Variants in ASXL2 observed in about 807,000 individuals in gnomAD.
ASXL2 encodes putative Polycomb group protein ASXL2.
ASXL2 carries 23 observed loss-of-function variants against 122.0 expected under a neutral mutation model. The observed-to-expected ratio is 0.19, with a 90% CI of 0.14 to 0.27. The LOEUF (loss-of-function observed/expected upper bound fraction) is 0.27. Ranked by LOEUF, ASXL2 falls within the 10% of genes least tolerant of loss-of-function variation. ASXL2 has a pLI of 1.00. For synonymous variants in ASXL2, 650 were observed against 637.0 expected (o/e 1.02, Z -0.31); for missense variants, 1,518 against 1,713.8 (o/e 0.89, Z 2.02).
At chr2:25,874,962 A>T (rs932373698) in intron 1 of ASXL2, among the ~76,000 whole-genome samples, 7 of 152,196 alleles carry the variant, frequency 4.6e-5, no homozygotes, top group Non-Finnish European at 7.4e-5. Flanking sequence ...GCACACCTGC[A>T]CTCCCAGCTA....
intron 4 of ASXL2, among the ~76,000 whole-genome samples, chr2:25,803,022 C>T (rs1402194945): frequency 1.3e-5 from 2 of 152,172 alleles, no homozygotes; most frequent in Non-Finnish European, 2.9e-5. Context: ...ATCCCAGCTA[C>T]TCTGGAGGCT....
chr2:25,839,611 T>A, intron 2 of ASXL2, among the ~76,000 whole-genome samples: 1 of 137,302 alleles, frequency 7.3e-6, no homozygotes, highest in East Asian at 2.0e-4. Flanking sequence ...TGGGAAATTC[T>A]ATCTTTTTTT....
chr2:25,793,480 C>G (rs2088866991), intron 5 of ASXL2, among the ~76,000 whole-genome samples: 1 of 152,072 alleles, frequency 6.6e-6, no homozygotes, highest in Non-Finnish European at 1.5e-5. Context: ...GAGTTAAAAG[C>G]TTAAGTAAAT....
chr2:25,754,430 T>A (rs910116466), intron 10 of ASXL2, among the ~76,000 whole-genome samples: 7 of 152,026 alleles, frequency 4.6e-5, no homozygotes, highest in Admixed American at 6.6e-5. Context: ...TAAGACCTCC[T>A]GGGGGTGAGA....
At chr2:25,769,885 T>G (rs2088416641) in intron 6 of ASXL2, among the ~76,000 whole-genome samples, 1 of 152,224 alleles carries the variant, frequency 6.6e-6, no homozygotes, top group Non-Finnish European at 1.5e-5. Context: ...TGGCAACAAA[T>G]GATCTCCTCA....
chr2:25,847,895 T>C (rs1310036238), intron 1 of ASXL2, among the ~76,000 whole-genome samples: 3 of 152,252 alleles, frequency 2.0e-5, no homozygotes, highest in Non-Finnish European at 2.9e-5. Context: ...CACTATACTA[T>C]TGTCCACTTT....
chr2:25,814,777 T>C (rs977701455), intron 3 of ASXL2, among the ~76,000 whole-genome samples: 5 of 152,186 alleles, frequency 3.3e-5, no homozygotes, highest in Admixed American at 2.0e-4. Flanking sequence ...AAGTCAATCA[T>C]TGTACTGCTT....
Position 25,759,571 on chromosome 2 carries a change from G to A in ASXL2, c.850C>T (p.Arg284Ter), listed in dbSNP as rs2149146539. 1 of 1,613,908 alleles carries A rather than the reference G, an allele frequency of 6.2e-7. No homozygotes were observed. Reference protein sequence around the residue: ...PDSILVNTNLRALINKHTFSV... With the variant: ...PDSILVNTNL ...AATGTGTGCTTGTTGATCAGTGCTC[G>A]CAGATTTGTATTAACCAGAATGGAG... Residue 284 changes from arginine (R) to a stop codon, truncating the protein, a stop_gained, in exon 9 of 13, where the codon CGA becomes TGA. Transcript: ENST00000435504. LOFTEE classifies it high-confidence loss of function.
At chr2:25,854,900 T>C (rs191071114) in intron 1 of ASXL2, among the ~76,000 whole-genome samples, 14 of 152,210 alleles carry the variant, frequency 9.2e-5, no homozygotes, top group African/African-American at 3.4e-4. Flanking sequence ...AGTGTCTGTC[T>C]TGAGGAGCTG....
At chr2:25,819,646 A>C (rs4063544) in intron 3 of ASXL2, among the ~76,000 whole-genome samples, 48,633 of 151,886 alleles carry the variant, frequency 0.32, 8,309 homozygotes, top group African/African-American at 0.4. Context: ...GGCCTGCACT[A>C]AAAAAAATGT....
intron 5 of ASXL2, among the ~76,000 whole-genome samples, chr2:25,792,790 G>A (rs2088855302): frequency 6.6e-6 from 1 of 151,656 alleles, no homozygotes; most frequent in African/African-American, 2.4e-5. Context: ...ATTTTTAGTA[G>A]AGAAGGGGTT....
chr2:25,822,679 G>T, intron 3 of ASXL2: 1 of 693,384 alleles, frequency 1.4e-6, no homozygotes, highest in South Asian at 1.3e-5. Flanking sequence ...AAAACGGACA[G>T]ATCAATTGTA....
At chr2:25,765,587 T>C (rs1358252641) in intron 8 of ASXL2, among the ~76,000 whole-genome samples, 1 of 152,256 alleles carries the variant, frequency 6.6e-6, no homozygotes, top group Non-Finnish European at 1.5e-5. Flanking sequence ...GGACTTCTGC[T>C]TACTTCTCAG....
At position 25,740,288 on chromosome 2, in the gene ASXL2, G is replaced by A. The variant is rs2087806541; in HGVS notation, c.*1741C>T. On this transcript the variant is annotated 3_prime_UTR_variant, in exon 13 of 13. Coordinates refer to ENST00000435504, the MANE Select transcript of ASXL2 (RefSeq NM_018263.6). ...GAGTGTGTGATGTGGGGGTGGGGTG[G>A]GCAGTGGTGGGTAGTAGAATGGGGG... 9.0e-6 allele frequency: 2 copies of A among 222,662 alleles called. No individual in the cohort carries two copies. The highest frequency in any genetic ancestry group is 1.8e-5 in the Non-Finnish European group (2 of 111,468). 13.8% of individuals were successfully genotyped at this position (222,662 alleles called of 1,614,324 possible).
chr2:25,749,629 A>C, intron 12 of ASXL2, 67 bp downstream of exon 12: 1 of 1,262,754 alleles, frequency 7.9e-7, no homozygotes, highest in Non-Finnish European at 1.1e-6. Context: ...CTTGAAATTT[A>C]GTAGGTATGA....
chr2:25,749,082 T>C (rs1457042881), intron 12 of ASXL2, among the ~76,000 whole-genome samples: 1 of 152,208 alleles, frequency 6.6e-6, no homozygotes, highest in Non-Finnish European at 1.5e-5. Context: ...TCAAATACCA[T>C]GGCTCTTGGT....
At chr2:25,782,231 C>G (rs1460108018) in intron 5 of ASXL2, among the ~76,000 whole-genome samples, 3 of 152,030 alleles carry the variant, frequency 2.0e-5, no homozygotes, top group Admixed American at 2.0e-4. Flanking sequence ...ACTGCTTTCT[C>G]TTGCTTACCT....
chr2:25,862,760 C>A (rs1248105831), intron 1 of ASXL2, among the ~76,000 whole-genome samples: 1 of 151,878 alleles, frequency 6.6e-6, no homozygotes, highest in African/African-American at 2.4e-5. Context: ...CCACCATGCC[C>A]TGCTAATTTT....
intron 1 of ASXL2, among the ~76,000 whole-genome samples, chr2:25,864,861 C>T (rs370737017): frequency 2.7e-5 from 4 of 148,486 alleles, no homozygotes; most frequent in African/African-American, 7.5e-5. Flanking sequence ...GACGGAGTTT[C>T]GCTCTCGTTG....
Sources: gnomAD v4.1 joint callset for allele counts (sites outside exome capture counted in the v4.1 genomes callset) on GRCh38, gnomAD v4.1.1 for gene constraint, MANE v1.5 for transcripts, NCBI Gene and HGNC (gene_info 2026-07-23, HGNC 2026-07-21) for gene names.